The following MAF variants were observed in gnomAD, a reference collection of about 807,000 sequenced individuals.
MAF encodes MAF bZIP transcription factor, also known as transcription factor Maf.
MAF carries 10 observed loss-of-function variants against 22.0 expected under a neutral mutation model. That is an observed-to-expected ratio of 0.45 (90% CI 0.28 to 0.77). The LOEUF (loss-of-function observed/expected upper bound fraction) is 0.77. Among genes scored for constraint, MAF ranks in the 30% least tolerant of loss-of-function variants. MAF has a pLI of 0.12. For synonymous variants in MAF, 337 were observed against 255.8 expected (o/e 1.32, Z -3.03); for missense variants, 544 against 548.4 (o/e 0.99, Z 0.08).
chr16:79,299,996 A>G, the MAF span, among the ~76,000 whole-genome samples: 1 of 152,170 alleles, frequency 6.6e-6, no homozygotes. Flanking sequence ...AGCATCAGTG[A>G]TTGTGCAGGC....
At chr16:79,549,781 T>A in the MAF span, among the ~76,000 whole-genome samples, 2 of 152,004 alleles carry the variant, frequency 1.3e-5, no homozygotes, top group African/African-American at 4.8e-5. Context: ...ACCCAGAGAG[T>A]TAAAGACCAT....
chr16:79,547,924 G>C, the MAF span, among the ~76,000 whole-genome samples: 501 of 148,548 alleles, frequency 3.4e-3, 2 homozygotes, highest in African/African-American at 0.012. Context: ...GAGAGATAGA[G>C]AGAGAGAGAG....
chr16:79,254,429 T>C, the MAF span, among the ~76,000 whole-genome samples: 1 of 152,236 alleles, frequency 6.6e-6, no homozygotes, highest in African/African-American at 2.4e-5. Context: ...TCCATTTTAT[T>C]AAGCATTTGT....
the MAF span, among the ~76,000 whole-genome samples, chr16:79,297,933 G>C: frequency 6.6e-6 from 1 of 152,206 alleles, no homozygotes; most frequent in Non-Finnish European, 1.5e-5. Context: ...CTCTTGGATA[G>C]GACCCAGGAG....
chr16:79,357,169 T>C, the MAF span, among the ~76,000 whole-genome samples: 1 of 151,848 alleles, frequency 6.6e-6, no homozygotes, highest in Non-Finnish European at 1.5e-5. Context: ...GGCAGGAGAA[T>C]TGCTTGAACT....
the MAF span, among the ~76,000 whole-genome samples, chr16:79,491,806 A>G: frequency 6.6e-6 from 1 of 152,210 alleles, no homozygotes; most frequent in Non-Finnish European, 1.5e-5. Flanking sequence ...ACAGATAGGA[A>G]GTAGGTGATT....
chr16:79,519,784 G>A, the MAF span, among the ~76,000 whole-genome samples: 1 of 152,246 alleles, frequency 6.6e-6, no homozygotes, highest in African/African-American at 2.4e-5. Context: ...TCTGAACCCT[G>A]TGTTCACAGC....
the MAF span, among the ~76,000 whole-genome samples, chr16:79,214,172 C>G: frequency 6.6e-6 from 1 of 152,182 alleles, no homozygotes; most frequent in East Asian, 1.9e-4. Context: ...TCTATTTTTT[C>G]TCCACAACAC....
At chr16:79,216,214 G>C in the MAF span, among the ~76,000 whole-genome samples, 1 of 152,066 alleles carries the variant, frequency 6.6e-6, no homozygotes, top group South Asian at 2.1e-4. Context: ...ATATGTATAC[G>C]TGTCATGTGC....
the MAF span, among the ~76,000 whole-genome samples, chr16:79,421,732 G>A: frequency 6.6e-6 from 1 of 151,848 alleles, no homozygotes; most frequent in Non-Finnish European, 1.5e-5. Context: ...GAGCTCCTGG[G>A]CTCAAGCATC....
At chr16:79,241,480 A>G in the MAF span, among the ~76,000 whole-genome samples, 1,898 of 152,216 alleles carry the variant, frequency 0.012, 50 homozygotes, top group African/African-American at 0.043. Context: ...AAGTGAGAAG[A>G]CAAGATTAGA....
At chr16:79,212,081 T>C in the MAF span, 1 of 1,536,284 alleles carries the variant, frequency 6.5e-7, no homozygotes, top group South Asian at 1.2e-5. Flanking sequence ...GTTCCGTATC[T>C]CCCTGGAGAA....
At chr16:79,478,148 G>C in the MAF span, among the ~76,000 whole-genome samples, 1 of 152,294 alleles carries the variant, frequency 6.6e-6, no homozygotes, top group Non-Finnish European at 1.5e-5. Context: ...AAACTCAAAT[G>C]TCAAACTTTG....
chr16:79,372,066 ATTTTTTTT>A, the MAF span, among the ~76,000 whole-genome samples: 1 of 132,430 alleles, frequency 7.6e-6, no homozygotes, highest in South Asian at 2.5e-4. Context: ...AGGGAGAGGA[ATTTTTTTT>A]TTTTTTTTTT....
chr16:79,217,794 T>C, the MAF span, among the ~76,000 whole-genome samples: 473 of 152,184 alleles, frequency 3.1e-3, 4 homozygotes, highest in Admixed American at 0.023. Context: ...ATTGAAGCAT[T>C]CCCCAGCAAT....
chr16:79,322,602 T>C, the MAF span, among the ~76,000 whole-genome samples: 1 of 152,136 alleles, frequency 6.6e-6, no homozygotes, highest in Admixed American at 6.5e-5. Context: ...CTTTCTGTTT[T>C]CTAGAGGACA....
chr16:79,444,333 A>G, the MAF span, among the ~76,000 whole-genome samples: 1 of 152,172 alleles, frequency 6.6e-6, no homozygotes, highest in South Asian at 2.1e-4. Flanking sequence ...CAGAAATCTC[A>G]TACAATGCAT....
chr16:79,300,418 G>C, the MAF span, among the ~76,000 whole-genome samples: 7 of 152,122 alleles, frequency 4.6e-5, no homozygotes, highest in Non-Finnish European at 8.8e-5. Flanking sequence ...AGCCGGGTGT[G>C]GTGGTGCACA....
exon 2 of MAF, chr16:79,585,936 G>A (rs1912812135): frequency 2.9e-6 from 2 of 684,158 alleles, no homozygotes; most frequent in African/African-American, 1.8e-5. Context: ...GGATTCCCTT[G>A]GGTACCTGAT....
Sources: allele counts gnomAD v4.1 joint callset (sites outside exome capture counted in the v4.1 genomes callset), GRCh38; gene constraint gnomAD v4.1.1; transcripts MANE v1.5; gene names NCBI Gene and HGNC (gene_info 2026-07-23, HGNC 2026-07-21).